Variants in DLG2 observed in about 807,000 individuals in gnomAD.
DLG2 encodes disks large homolog 2.
DLG2 carries 45 observed loss-of-function variants against 132.5 expected under a neutral mutation model. That is an observed-to-expected ratio of 0.34 (90% confidence interval 0.27 to 0.44). The LOEUF (loss-of-function observed/expected upper bound fraction) is 0.44. DLG2 is among the 20% of genes least tolerant of loss of function. The pLI is 1.00. For missense variants in DLG2, 1,045 were observed against 1,196.9 expected (o/e 0.87, Z 1.87); for synonymous variants, 424 against 419.6 (o/e 1.01, Z -0.13).
At chr11:84,093,403 C>T (rs1042676440) in intron 10 of DLG2, among the ~76,000 whole-genome samples, 18 of 152,134 alleles carry the variant, frequency 1.2e-4, no homozygotes, top group African/African-American at 2.7e-4. Context: ...CCAGCAACAA[C>T]GTGTCAAGTA....
chr11:83,961,382 G>T (rs2154155803), intron 14 of DLG2, among the ~76,000 whole-genome samples: 1 of 151,994 alleles, frequency 6.6e-6, no homozygotes. Flanking sequence ...ATATGACTTG[G>T]TTTTCATTTT....
intron 8 of DLG2, among the ~76,000 whole-genome samples, chr11:84,218,239 AGG>A (rs2096863321): frequency 7.6e-6 from 1 of 132,400 alleles, no homozygotes. Context: ...AAGGAAGGAA[AGG>A]AAGGAAGGAA....
At chr11:84,652,932 GTTTT>G (rs539310938) in intron 6 of DLG2, among the ~76,000 whole-genome samples, 2 of 136,162 alleles carry the variant, frequency 1.5e-5, no homozygotes, top group Admixed American at 7.4e-5. Context: ...AATATTGGAG[GTTTT>G]TTTTTTTTTT....
intron 9 of DLG2, among the ~76,000 whole-genome samples, chr11:84,103,904 TG>T (rs1160603691): frequency 1.3e-5 from 2 of 152,012 alleles, no homozygotes; most frequent in African/African-American, 4.8e-5. Flanking sequence ...GATTTTTTTT[TG>T]ATTTTTAGAA....
rs544196730 is a variant in DLG2, at chr11:84,721,556, A to G, written c.358-186825T>C. Reference sequence around the variant, plus strand: ...AAATTGCAGAAAGACCAAAAAAAAAAAAAAATCAGCATGTGGCTGGCTGGC... The same window carrying G: ...AAATTGCAGAAAGACCAAAAAAAAAGAAAAATCAGCATGTGGCTGGCTGGC... On this transcript the variant is annotated intron_variant, in intron 6 of 27. Coordinates refer to ENST00000376104, the MANE Select transcript of DLG2 (RefSeq NM_001142699.3). Among the ~76,000 whole-genome samples the G allele has an allele frequency of 9.2e-5, 14 of 152,236 alleles. No homozygotes were observed. In the East Asian group the frequency reaches 2.7e-3, roughly 29 times the overall value.
intron 9 of DLG2, among the ~76,000 whole-genome samples, chr11:84,102,552 A>G (rs2092618187): frequency 6.6e-6 from 1 of 152,176 alleles, no homozygotes; most frequent in Non-Finnish European, 1.5e-5. Context: ...AGGCTGACTA[A>G]TAAGACACAA....
chr11:84,120,221 C>A (rs996631747), intron 9 of DLG2, among the ~76,000 whole-genome samples: 3 of 152,096 alleles, frequency 2.0e-5, no homozygotes, highest in Admixed American at 6.5e-5. Flanking sequence ...TGTCCCTTGT[C>A]TCGGTATTTC....
At chr11:84,389,116 T>C (rs2098782739) in intron 7 of DLG2, among the ~76,000 whole-genome samples, 1 of 152,176 alleles carries the variant, frequency 6.6e-6, no homozygotes, top group Non-Finnish European at 1.5e-5. Flanking sequence ...CTAATGTTGC[T>C]AGGAGGATTA....
intron 15 of DLG2, among the ~76,000 whole-genome samples, chr11:83,906,257 TCA>T (rs540642615): frequency 0.076 from 5,082 of 66,584 alleles, 336 homozygotes; most frequent in Middle Eastern, 0.13. Context: ...TCTCTCTCTC[TCA>T]CACACACACA....
intron 3 of DLG2, among the ~76,000 whole-genome samples, chr11:85,468,822 ATTT>A (rs1001425982): frequency 2.5e-4 from 38 of 151,770 alleles, no homozygotes; most frequent in African/African-American, 7.7e-4. Context: ...TAGATGTCTA[ATTT>A]TTTTTAAATA....
At chr11:83,962,198 A>G (rs932038728) in intron 14 of DLG2, among the ~76,000 whole-genome samples, 8 of 152,118 alleles carry the variant, frequency 5.3e-5, no homozygotes, top group African/African-American at 1.7e-4. Context: ...CTCATTTTTG[A>G]TAAAAGTATT....
chr11:83,830,542 T>C (rs759854516), intron 17 of DLG2, among the ~76,000 whole-genome samples: 13 of 152,248 alleles, frequency 8.5e-5, no homozygotes, highest in Admixed American at 6.5e-4. Context: ...CTAAATTATT[T>C]ATGATAGTGA....
At chr11:84,165,074 T>A (rs1023482388) in intron 8 of DLG2, among the ~76,000 whole-genome samples, 7 of 152,160 alleles carry the variant, frequency 4.6e-5, no homozygotes, top group African/African-American at 1.2e-4. Flanking sequence ...ATAATTTTCT[T>A]TGATGGATAG....
chr11:84,376,209 T>C (rs551541070), intron 7 of DLG2, among the ~76,000 whole-genome samples: 1 of 152,100 alleles, frequency 6.6e-6, no homozygotes, highest in East Asian at 1.9e-4. Flanking sequence ...ATTTTTATTA[T>C]TAGCATGACT....
At chr11:83,822,989 A>T (rs904764743) in intron 17 of DLG2, among the ~76,000 whole-genome samples, 2 of 152,124 alleles carry the variant, frequency 1.3e-5, no homozygotes, top group Non-Finnish European at 2.9e-5. Flanking sequence ...TTCTTGAATA[A>T]AACAGCAGCA....
chr11:84,241,379 G>T (rs920555563), intron 8 of DLG2, among the ~76,000 whole-genome samples: 1 of 152,134 alleles, frequency 6.6e-6, no homozygotes, highest in Non-Finnish European at 1.5e-5. Flanking sequence ...AAGAGCCTTC[G>T]GGGAAGCTCC....
chr11:83,823,940 A>G (rs1355957645), intron 17 of DLG2, among the ~76,000 whole-genome samples: 2 of 152,184 alleles, frequency 1.3e-5, no homozygotes, highest in Non-Finnish European at 2.9e-5. Flanking sequence ...GTAAACTGCC[A>G]AATTCAATTC....
intron 7 of DLG2, among the ~76,000 whole-genome samples, chr11:84,511,254 G>C (rs1000702470): frequency 6.6e-6 from 1 of 151,774 alleles, no homozygotes; most frequent in South Asian, 2.1e-4. Flanking sequence ...TATTCTTAAG[G>C]TACAGTAAAA....
chr11:84,089,832 T>C (rs2097058939), intron 10 of DLG2, among the ~76,000 whole-genome samples: 1 of 152,222 alleles, frequency 6.6e-6, no homozygotes, highest in Admixed American at 6.5e-5. Context: ...AGCCATCTTT[T>C]CTGCCTGTTT....
Sources: allele counts gnomAD v4.1 joint callset (sites outside exome capture counted in the v4.1 genomes callset), GRCh38; gene constraint gnomAD v4.1.1; transcripts MANE v1.5; gene names NCBI Gene and HGNC (gene_info 2026-07-23, HGNC 2026-07-21).